The following IQCJ variants were observed in gnomAD, a reference collection of about 807,000 sequenced individuals.
IQCJ encodes IQ motif containing J, also known as IQ domain-containing protein J.
Under a neutral mutation model 11.0 loss-of-function variants are expected in IQCJ, and 9 were observed. The observed-to-expected ratio is 0.82, with a 90% CI of 0.49 to 1.43. The LOEUF is 1.43. IQCJ is among the 40% of genes most tolerant of loss of function. IQCJ has a pLI of 0.00. For missense variants in IQCJ, 146 were observed against 133.2 expected (o/e 1.10, Z -0.47); for synonymous variants, 55 against 51.3 (o/e 1.07, Z -0.31).
intron 1 of IQCJ, among the ~76,000 whole-genome samples, chr3:159,144,671 C>G (rs1463762121): frequency 4.1e-5 from 6 of 146,386 alleles, no homozygotes; most frequent in South Asian, 4.2e-4. Flanking sequence ...GACACACACA[C>G]ACACACACAC....
chr3:159,138,110 T>C (rs1448207243), intron 1 of IQCJ, among the ~76,000 whole-genome samples: 5 of 152,238 alleles, frequency 3.3e-5, no homozygotes, highest in Non-Finnish European at 7.3e-5. Flanking sequence ...ACAGAGGCTC[T>C]GAGATGCACA....
chr3:159,207,705 G>A (rs1017422096), intron 1 of IQCJ, among the ~76,000 whole-genome samples: 3 of 152,158 alleles, frequency 2.0e-5, no homozygotes, highest in Admixed American at 2.0e-4. Context: ...AGGGAATACA[G>A]CAAAACAAGG....
intron 1 of IQCJ, among the ~76,000 whole-genome samples, chr3:159,102,871 C>T (rs925221665): frequency 6.6e-6 from 1 of 152,172 alleles, no homozygotes; most frequent in African/African-American, 2.4e-5. Flanking sequence ...CTTCCCCACT[C>T]AGATGAACCA....
At chr3:159,108,488 C>T (rs1718411514) in intron 1 of IQCJ, among the ~76,000 whole-genome samples, 1 of 152,142 alleles carries the variant, frequency 6.6e-6, no homozygotes, top group Non-Finnish European at 1.5e-5. Flanking sequence ...GTCTTCCTTA[C>T]ATAAAATAGG....
At chr3:159,227,980 G>A (rs1365203768) in intron 1 of IQCJ, among the ~76,000 whole-genome samples, 3 of 152,206 alleles carry the variant, frequency 2.0e-5, no homozygotes, top group African/African-American at 7.2e-5. Flanking sequence ...GGGGATGAGA[G>A]CTTTAGTGAA....
chr3:159,265,106 TG>T, downstream of IQCJ: 1 of 839,772 alleles, frequency 1.2e-6, no homozygotes, highest in Non-Finnish European at 1.9e-6. Context: ...TCCAAGTCTC[TG>T]GTTTGTCACT....
intron 3 of IQCJ, among the ~76,000 whole-genome samples, chr3:159,258,197 C>G (rs569956026): frequency 6.6e-6 from 1 of 152,320 alleles, no homozygotes; most frequent in South Asian, 2.1e-4. Flanking sequence ...CCACTGCCAG[C>G]TCTAGGCTTG....
At chr3:159,070,680 TAGC>T (rs1715507518) in intron 1 of IQCJ, among the ~76,000 whole-genome samples, 1 of 152,114 alleles carries the variant, frequency 6.6e-6, no homozygotes. Context: ...GAAAATGAGG[TAGC>T]AAGTCAAATA....
At chr3:159,253,610 A>AACTC (rs1296610655) in intron 3 of IQCJ, among the ~76,000 whole-genome samples, 50 of 149,768 alleles carry the variant, frequency 3.3e-4, no homozygotes, top group African/African-American at 1.2e-3. Context: ...CTCCCTCACA[A>AACTC]ACACACACAC....
intron 1 of IQCJ, among the ~76,000 whole-genome samples, chr3:159,145,481 AT>A (rs1005546638): frequency 8.8e-5 from 13 of 147,208 alleles, no homozygotes; most frequent in East Asian, 5.8e-4. Flanking sequence ...ATTTCCAGAG[AT>A]TTTTTTTTCA....
rs566753843 is a variant in IQCJ, at chr3:159,089,522, C to T, written c.9+20081C>T. On this transcript the variant is annotated intron_variant, in intron 1 of 3. Transcript: ENST00000397832. ...TAATATCCTGCAGAGTGTTTTCCAGCTTGGTTCCATTCTCCCCGTCACTTT... is the reference window on the plus strand; with the variant it reads ...TAATATCCTGCAGAGTGTTTTCCAGTTTGGTTCCATTCTCCCCGTCACTTT... Among the ~76,000 whole-genome samples, 636 of 152,016 alleles carry T rather than the reference C, an allele frequency of 4.2e-3. 25 individuals carry two copies. The highest frequency in any genetic ancestry group is 0.015 in the African/African-American group (607 of 41,270).
At chr3:159,219,579 A>T (rs1359931472) in intron 1 of IQCJ, among the ~76,000 whole-genome samples, 1 of 152,194 alleles carries the variant, frequency 6.6e-6, no homozygotes, top group African/African-American at 2.4e-5. Context: ...AGCAAGCTTC[A>T]AAAAGGTTAC....
At chr3:159,168,967 CATGATGATG>C (rs71144474) in intron 1 of IQCJ, among the ~76,000 whole-genome samples, 28 of 149,016 alleles carry the variant, frequency 1.9e-4, no homozygotes, top group African/African-American at 5.4e-4. Context: ...ACGATGAAGA[CATGATGATG>C]ATGATGATGA....
intron 1 of IQCJ, among the ~76,000 whole-genome samples, chr3:159,157,890 G>C (rs1296048105): frequency 6.6e-6 from 1 of 152,012 alleles, no homozygotes; most frequent in East Asian, 1.9e-4. Flanking sequence ...CTTATTCTTT[G>C]TGTAGATCCA....
intron 1 of IQCJ, among the ~76,000 whole-genome samples, chr3:159,101,668 T>C: frequency 6.6e-6 from 1 of 152,238 alleles, no homozygotes; most frequent in Non-Finnish European, 1.5e-5. Flanking sequence ...TTCTCCTTTT[T>C]GGACATGGAC....
At chr3:159,156,795 A>C (rs1021462701) in intron 1 of IQCJ, among the ~76,000 whole-genome samples, 1 of 152,196 alleles carries the variant, frequency 6.6e-6, no homozygotes, top group African/African-American at 2.4e-5. Context: ...TAAAATAAAC[A>C]TGCAAAAACC....
chr3:159,203,628 G>C (rs1301787606), intron 1 of IQCJ, among the ~76,000 whole-genome samples: 1 of 152,100 alleles, frequency 6.6e-6, no homozygotes, highest in East Asian at 1.9e-4. Flanking sequence ...GAGAAAGACA[G>C]GGGAGGAGGT....
chr3:159,086,411 G>C (rs1048925306), intron 1 of IQCJ, among the ~76,000 whole-genome samples: 2 of 152,052 alleles, frequency 1.3e-5, no homozygotes, highest in African/African-American at 2.4e-5. Flanking sequence ...CTCTTTTTTG[G>C]TTCCATATGA....
At chr3:159,238,868 G>A (rs1223365805) in intron 1 of IQCJ, among the ~76,000 whole-genome samples, 1 of 152,110 alleles carries the variant, frequency 6.6e-6, no homozygotes, top group African/African-American at 2.4e-5. Flanking sequence ...GAGGTGGAGT[G>A]GGGAGAGGCA....
Sources: gnomAD v4.1 joint callset for allele counts (sites outside exome capture counted in the v4.1 genomes callset) on GRCh38, gnomAD v4.1.1 for gene constraint, MANE v1.5 for transcripts, NCBI Gene and HGNC (gene_info 2026-07-23, HGNC 2026-07-21) for gene names.